Variants in PCDHGB1 observed in about 807,000 individuals in gnomAD.
The protein encoded by PCDHGB1 is protocadherin gamma subfamily B, 1.
PCDHGB1 carries 34 observed loss-of-function variants against 56.6 expected under a neutral mutation model. The ratio of observed to expected loss-of-function variants is 0.60; its 90% confidence interval spans 0.46 to 0.80. PCDHGB1 has a LOEUF of 0.80. PCDHGB1 is among the 30% of genes least tolerant of loss of function. The probability of loss-of-function intolerance (pLI) is 0.00; values close to 1 mark genes in which losing one functional copy is unlikely to be tolerated. For missense variants in PCDHGB1, 1,278 were observed against 1,204.6 expected, an observed-to-expected ratio of 1.06 and a Z score of -0.90; for synonymous variants, 561 against 505.9, an observed-to-expected ratio of 1.11 and a Z score of -1.46.
At chr5:141,500,184 TTTTATTTATTTA>T (rs58019021) in intron 2 of PCDHGB1, among the ~76,000 whole-genome samples, 197 of 135,960 alleles carry the variant, frequency 1.4e-3, no homozygotes, top group African/African-American at 3.6e-3. Context: ...TCATTTTTAT[TTTTATTTATTTA>T]TTTATTTATT....
Position 141,485,660 on chromosome 5 carries a change from G to A in PCDHGB1, c.2410-9147G>A. On this transcript the variant is annotated intron_variant, in intron 1 of 3. Transcript: ENST00000523390. The surrounding 1 kb of genome is among the most constrained non-coding windows in gnomAD (Gnocchi z 5.7). ...GGAAAAGGCTCAGGATGCAGATGTG[G>A]GGAGCAATTCGATTAGCAGCTATAG... is the stretch of plus-strand genomic sequence containing the variant. 1 of 1,612,716 alleles carries A rather than the reference G, an allele frequency of 6.2e-7. No individual in the cohort carries two copies. Among genetic ancestry groups the A allele is most frequent in the Non-Finnish European group, 8.5e-7 (1 of 1,178,898 alleles).
intron 1 of PCDHGB1, chr5:141,371,150 A>G: frequency 1.2e-6 from 2 of 1,614,018 alleles, no homozygotes; most frequent in Non-Finnish European, 1.7e-6. Context: ...TCAATGTTGC[A>G]GAGAACCTGC....
Position 141,490,310 on chromosome 5 carries a change from AC to A in PCDHGB1, c.2410-4494del. 1 of 1,614,084 alleles carries A rather than the reference AC, an allele frequency of 6.2e-7. No homozygotes were observed. The highest frequency in any genetic ancestry group is 8.5e-7 in the Non-Finnish European group (1 of 1,180,012). ...GAGGTGCTATTGGCCTCTTTGGCCA[AC>A]CCTGTCCTAGAGAGCACACCAGTGG... is the stretch of plus-strand genomic sequence containing the variant. On this transcript the variant is annotated intron_variant, in intron 1 of 3. Transcript: ENST00000523390. This position sits in a 1 kb window ranked among gnomAD's most constrained non-coding sequence, Gnocchi z 5.4.
chr5:141,501,017 C>T (rs1383853662), intron 2 of PCDHGB1, among the ~76,000 whole-genome samples: 5 of 151,866 alleles, frequency 3.3e-5, no homozygotes, highest in African/African-American at 7.3e-5. Flanking sequence ...TACAGGCACG[C>T]GCCACCACGC....
Position 141,476,085 on chromosome 5 carries a change from G to C in PCDHGB1, c.2410-18722G>C, listed in dbSNP as rs1163057402. On this transcript the variant is annotated intron_variant, in intron 1 of 3. Coordinates refer to ENST00000523390, the MANE Select transcript of PCDHGB1 (RefSeq NM_018922.3). This position sits in a 1 kb window ranked among gnomAD's most constrained non-coding sequence, Gnocchi z 7.6. ...TCAGCGAAATCTCAGGGACGATCTG[G>C]ACCCCGCTGAGAGGAACTGCTTTTG... 1.3e-6 allele frequency: 2 copies of C among 1,551,682 alleles called. No individual in the cohort carries two copies. Among genetic ancestry groups the C allele is most frequent in the East Asian group, 2.3e-5 (1 of 44,392 alleles).
At chr5:141,456,148 C>G (rs1408257938) in intron 1 of PCDHGB1, among the ~76,000 whole-genome samples, 1 of 152,080 alleles carries the variant, frequency 6.6e-6, no homozygotes, top group African/African-American at 2.4e-5. Flanking sequence ...CCGCCCGCCT[C>G]GGCCTCCTAA....
chr5:141,489,205 G>A lies in PCDHGB1; in HGVS notation c.2410-5602G>A. 2.1e-6 allele frequency: 3 copies of A among 1,438,682 alleles called. No homozygotes were observed. Among genetic ancestry groups the A allele is most frequent in the Non-Finnish European group, 1.9e-6 (2 of 1,060,944 alleles). 89.1% of individuals were successfully genotyped at this position (1,438,682 alleles called of 1,614,324 possible). On this transcript the variant is annotated intron_variant, in intron 1 of 3. Coordinates refer to ENST00000523390, the MANE Select transcript of PCDHGB1 (RefSeq NM_018922.3). The surrounding 1 kb of genome is among the most constrained non-coding windows in gnomAD (Gnocchi z 4.5). ...CTGGGTCTACCTTGGAGACAGGACA[G>A]CACAGACTTACTCTCCACAAAGGGA...
chr5:141,450,977 A>G (rs2098702822), intron 1 of PCDHGB1, among the ~76,000 whole-genome samples: 1 of 151,760 alleles, frequency 6.6e-6, no homozygotes, highest in African/African-American at 2.4e-5. Context: ...GGCATGTGCC[A>G]CCACACCCGG....
chr5:141,403,671 C>T (rs1322750068), intron 1 of PCDHGB1: 3 of 1,613,786 alleles, frequency 1.9e-6, no homozygotes, highest in African/African-American at 1.3e-5. Flanking sequence ...GATAATGCCC[C>T]GGTTTTTGCT....
intron 1 of PCDHGB1, chr5:141,378,047 TC>T (rs1257560476): frequency 1.3e-5 from 2 of 152,202 alleles, no homozygotes; most frequent in Non-Finnish European, 2.9e-5. Flanking sequence ...ACTTTCCTTA[TC>T]TATCTGACTC....
intron 1 of PCDHGB1, chr5:141,383,563 C>G (rs779788206): frequency 1.5e-5 from 25 of 1,613,034 alleles, no homozygotes; most frequent in East Asian, 2.2e-5. Flanking sequence ...CGACCCGCCC[C>G]GATCCAGCAC....
At position 141,491,117 on chromosome 5, in the gene PCDHGB1, G is replaced by A; in HGVS notation, c.2410-3690G>A. ...CTGTTCCTCGTGTCTACACACACTGGTGAGGTGCGCACAGCCCGGGCCTTA... is the reference window on the plus strand; with the variant it reads ...CTGTTCCTCGTGTCTACACACACTGATGAGGTGCGCACAGCCCGGGCCTTA... On this transcript the variant is annotated intron_variant, in intron 1 of 3. Coordinates refer to ENST00000523390, the MANE Select transcript of PCDHGB1 (RefSeq NM_018922.3). The surrounding 1 kb of genome is among the most constrained non-coding windows in gnomAD (Gnocchi z 6.9). 1 of 1,614,196 alleles carries A rather than the reference G, an allele frequency of 6.2e-7. No homozygotes were observed.
In PCDHGB1 at chr5:141,431,494, C is replaced by A; in HGVS notation, c.2410-63313C>A. 6.2e-7 allele frequency: 1 copy of A among 1,613,956 alleles called. No homozygotes were observed. Among genetic ancestry groups the A allele is most frequent in the Middle Eastern group, 1.6e-4 (1 of 6,062 alleles). On this transcript the variant is annotated intron_variant, in intron 1 of 3. Coordinates refer to ENST00000523390, the MANE Select transcript of PCDHGB1 (RefSeq NM_018922.3). This position sits in a 1 kb window ranked among gnomAD's most constrained non-coding sequence, Gnocchi z 4.8. Reference sequence around the variant, plus strand: ...ACAACGCACCAGCGTTTGCTCAGCCCGAGTACCGCGCGAGCGTTCCGGAGA... The same window carrying A: ...ACAACGCACCAGCGTTTGCTCAGCCAGAGTACCGCGCGAGCGTTCCGGAGA...
chr5:141,444,151 G>T (rs1031944414), intron 1 of PCDHGB1, among the ~76,000 whole-genome samples: 1 of 92,746 alleles, frequency 1.1e-5, no homozygotes, highest in Non-Finnish European at 2.1e-5. Flanking sequence ...GTGTGTACTG[G>T]ATTTTTTTTT....
intron 1 of PCDHGB1, chr5:141,415,740 G>GTTTTTTTTTTTTTTTTTTT (rs57426385): frequency 1.1e-5 from 7 of 625,046 alleles, no homozygotes; most frequent in Admixed American, 7.1e-5. Context: ...GTTTATTAAG[G>GTTTTTTTTTTTTTTTTTTT]TTTTTTTTTT....
In PCDHGB1 at chr5:141,413,208, A is replaced by G. The variant is rs532127106; in HGVS notation, c.2409+60539A>G. The G allele has an allele frequency of 3.5e-5, 57 of 1,612,984 alleles. No individual in the cohort carries two copies. The African/African-American group carries it at 5.2e-4, about 15-fold the overall frequency. On this transcript the variant is annotated intron_variant, in intron 1 of 3. Coordinates refer to ENST00000523390, the MANE Select transcript of PCDHGB1 (RefSeq NM_018922.3). ...CTCAAAGGAATCGCTCAAAGGAATC[A>G]AAGGATTGCAGCGGGCTGGTCCTGC... is the stretch of plus-strand genomic sequence containing the variant.
chr5:141,489,339 C>T lies in PCDHGB1; in HGVS notation c.2410-5468C>T. 6.2e-7 allele frequency: 1 copy of T among 1,608,828 alleles called. No individual in the cohort carries two copies. On this transcript the variant is annotated intron_variant, in intron 1 of 3. Transcript: ENST00000523390. The surrounding 1 kb of genome is among the most constrained non-coding windows in gnomAD (Gnocchi z 4.5). ...GCTGGGTGTCTGGGCAGCTTCGTTA[C>T]TCAGTGGTGGAGGAGTCTGAGCCGG...
At chr5:141,382,571 A>G (rs1016420360) in intron 1 of PCDHGB1, among the ~76,000 whole-genome samples, 2 of 152,244 alleles carry the variant, frequency 1.3e-5, no homozygotes, top group Admixed American at 6.5e-5. Flanking sequence ...AAGAAATCTA[A>G]CAGGGAAATT....
At chr5:141,478,019 C>T in intron 1 of PCDHGB1, 1 of 1,614,136 alleles carries the variant, frequency 6.2e-7, no homozygotes, top group Non-Finnish European at 8.5e-7. Flanking sequence ...CCGTCCAGTC[C>T]AAGACACAGA....
Sources: gnomAD v4.1 joint callset for allele counts (sites outside exome capture counted in the v4.1 genomes callset) on GRCh38, gnomAD v4.1.1 for gene constraint, Gnocchi (gnomAD v3.1) non-coding constraint, MANE v1.5 for transcripts, NCBI Gene and HGNC (gene_info 2026-07-23, HGNC 2026-07-21) for gene names.